Variants in AFF4 observed in about 807,000 individuals in gnomAD.
The protein encoded by AFF4 is AF4/FMR2 family member 4.
A neutral mutation model predicts 124.8 loss-of-function variants in AFF4; 13 were observed. The observed-to-expected ratio is 0.10, with a 90% CI of 0.07 to 0.17. The LOEUF (loss-of-function observed/expected upper bound fraction) is 0.17, where lower values mean the gene tolerates loss of function less well. Ranked by LOEUF, AFF4 falls within the 10% of genes least tolerant of loss-of-function variation. The probability of loss-of-function intolerance (pLI) is 1.00; values close to 1 mark genes in which losing one functional copy is unlikely to be tolerated. For synonymous variants in AFF4, 477 were observed against 496.1 expected (o/e 0.96, Z 0.51); for missense variants, 1,092 against 1,403.8 (o/e 0.78, Z 3.55).
Position 132,896,736 on chromosome 5 carries a change from A to T in AFF4, c.1894T>A (p.Ser632Thr). ...GATTTCTGGGAAGATTTACTTGTTG[A>T]CTTATATTTCTTTTTCTCTGCTGTA... The part of the protein sequence containing the change: ...RPTAEKKKYK[S>T]TSKSSQKSRE... Residue 632 changes from serine to threonine, a missense_variant, in exon 11 of 21, where the codon TCA becomes ACA. By Grantham distance (58) the Ser-to-Thr change is moderately conservative (BLOSUM62 1). Transcript: ENST00000265343. 2 of 1,613,946 alleles carry T rather than the reference A, an allele frequency of 1.2e-6. No individual in the cohort carries two copies. The highest frequency in any genetic ancestry group is 1.7e-6 in the Non-Finnish European group (2 of 1,179,966).
Position 132,877,838 on chromosome 5 carries a change from G to A in AFF4, c.*3221C>T, listed in dbSNP as rs778139584. ...GATTAAACCTTTAATGAAAAGAAAC[G>A]AACAACAATTTTTTAAAAACTAGTG... On this transcript the variant is annotated 3_prime_UTR_variant, in exon 21 of 21. Transcript: ENST00000265343. The A allele has an allele frequency of 3.7e-5, 8 of 217,776 alleles. No homozygotes were observed. Among genetic ancestry groups the A allele is most frequent in the Middle Eastern group, 1.4e-3 (1 of 726 alleles). 13.5% of individuals were successfully genotyped at this position (217,776 alleles called of 1,614,324 possible).
At chr5:132,925,423 C>CT (rs1761148731) in intron 5 of AFF4, among the ~76,000 whole-genome samples, 1 of 151,624 alleles carries the variant, frequency 6.6e-6, no homozygotes, top group South Asian at 2.1e-4. Flanking sequence ...AAAGCAAAAA[C>CT]TATAAAGGAA....
At chr5:132,889,957 C>T (rs542797442) in intron 13 of AFF4, among the ~76,000 whole-genome samples, 2 of 152,220 alleles carry the variant, frequency 1.3e-5, no homozygotes, top group East Asian at 3.9e-4. Flanking sequence ...TGCCTCCTAT[C>T]AATATAGCCC....
rs1408759008 is a variant in AFF4 at position 132,877,813 on chromosome 5, G to A, written c.*3246C>T. 1 of 215,104 alleles carries A rather than the reference G, an allele frequency of 4.6e-6. No homozygotes were observed. Among genetic ancestry groups the A allele is most frequent in the African/African-American group, 2.3e-5 (1 of 44,316 alleles). The allele number at this position is 215,104 out of a possible 1,614,324, so 13.3% of individuals were successfully genotyped here. A position where few individuals can be genotyped will look rare whatever the true frequency, so the allele number is the denominator to read the frequency against. ...CAAAATTATGCTGTCTGATCTGTCT[G>A]ATTAAACCTTTAATGAAAAGAAACG... On this transcript the variant is annotated 3_prime_UTR_variant, in exon 21 of 21. Coordinates refer to ENST00000265343, the MANE Select transcript of AFF4 (RefSeq NM_014423.4).
chr5:132,920,924 G>A (rs1020630096), intron 5 of AFF4, among the ~76,000 whole-genome samples: 4 of 151,906 alleles, frequency 2.6e-5, no homozygotes, highest in South Asian at 2.1e-4. Context: ...TCAGGAGATC[G>A]AGACCATCCT....
At position 132,927,103 on chromosome 5, in the gene AFF4, T is replaced by C. The variant is rs768073367; in HGVS notation, c.1050+18A>G. 4 of 1,600,632 alleles carry C rather than the reference T, an allele frequency of 2.5e-6. No homozygotes were observed. Among genetic ancestry groups the C allele is most frequent in the Admixed American group, 1.7e-5 (1 of 59,006 alleles). ...TAGAGTTTTCTTACATTATGAAAGA[T>C]ACATTTTATTTACTTACCTTAGTTG... On this transcript the variant is annotated intron_variant, in intron 5 of 20. Transcript: ENST00000265343.
intron 5 of AFF4, among the ~76,000 whole-genome samples, chr5:132,907,463 A>G (rs1032421864): frequency 6.6e-6 from 1 of 152,222 alleles, no homozygotes; most frequent in Non-Finnish European, 1.5e-5. Context: ...GGAGCTTAAC[A>G]CCTATTTGAA....
chr5:132,891,545 G>GT, intron 13 of AFF4, among the ~76,000 whole-genome samples: 1 of 152,266 alleles, frequency 6.6e-6, no homozygotes, highest in African/African-American at 2.4e-5. Context: ...CCCCTGCATT[G>GT]TGAGTATCCT....
chr5:132,939,321 A>T (rs182386970), intron 1 of AFF4, among the ~76,000 whole-genome samples: 22 of 152,298 alleles, frequency 1.4e-4, no homozygotes, highest in African/African-American at 5.3e-4. Context: ...TTTTCTAATA[A>T]GCTTAAACAG....
chr5:132,935,466 A>C lies in AFF4; in HGVS notation c.124-525T>G, dbSNP rs1352727557. On this transcript the variant is annotated intron_variant, in intron 2 of 20. Coordinates refer to ENST00000265343, the MANE Select transcript of AFF4 (RefSeq NM_014423.4). The stretch of plus-strand genomic sequence containing the variant: ...CATGGTGAAAACCCATTTCTAGCAA[A>C]AATACAAACGTTAGCCGGGTGTGGC... 3.3e-5 allele frequency among the ~76,000 whole-genome samples: 5 copies of C among 152,090 alleles called. No individual in the cohort carries two copies. In the East Asian group the frequency reaches 9.6e-4, roughly 29 times the overall value.
Position 132,877,746 on chromosome 5 carries a change from C to T in AFF4, c.*3313G>A, listed in dbSNP as rs1444209019. ...GTAGGCTCTTGCTTCAGAATGCAAGCTCATTCATGAAGAAATGTACCAACG... is the reference window on the plus strand; with the variant it reads ...GTAGGCTCTTGCTTCAGAATGCAAGTTCATTCATGAAGAAATGTACCAACG... On this transcript the variant is annotated 3_prime_UTR_variant, in exon 21 of 21. Coordinates refer to ENST00000265343, the MANE Select transcript of AFF4 (RefSeq NM_014423.4). 9.4e-6 allele frequency: 2 copies of T among 212,336 alleles called. No individual in the cohort carries two copies. The highest frequency in any genetic ancestry group is 5.9e-5 in the Admixed American group (1 of 17,030). The allele number at this position is 212,336 out of a possible 1,614,324, so 13.2% of individuals were successfully genotyped here. A position where few individuals can be genotyped will look rare whatever the true frequency, so the allele number is the denominator to read the frequency against.
chr5:132,934,392 G>A lies in AFF4; in HGVS notation c.673C>T (p.Arg225Cys), dbSNP rs141402018. The A allele has an allele frequency of 6.7e-5, 108 of 1,614,020 alleles. No homozygotes were observed. The highest frequency in any genetic ancestry group is 8.0e-5 in the Non-Finnish European group (94 of 1,180,050). ...DPDANWDSPS[R>C]VPFSSGQHST... is the part of the protein sequence containing the mutation. ...TGCTGCCCACTTGAAAAAGGTACAC[G>A]GGAAGGAGAATCCCAGTTTGCATCA... The change falls in exon 3 of 21, where the codon CGT becomes TGT. Residue 225 changes from arginine to cysteine, a missense_variant. Arg to Cys is a radical substitution (Grantham distance 180). Transcript: ENST00000265343.
At chr5:132,911,674 TA>T (rs964658931) in intron 5 of AFF4, among the ~76,000 whole-genome samples, 108 of 141,778 alleles carry the variant, frequency 7.6e-4, no homozygotes, top group African/African-American at 2.4e-3. Context: ...GAGAAGAGGG[TA>T]AAAAAAAAAA....
At chr5:132,896,082 T>C (rs1388391124) in intron 11 of AFF4, among the ~76,000 whole-genome samples, 1 of 152,250 alleles carries the variant, frequency 6.6e-6, no homozygotes, top group Non-Finnish European at 1.5e-5. Context: ...CAGCACATGC[T>C]GAAAAGCACT....
At chr5:132,899,516 A>G (rs751547396) in intron 8 of AFF4, 71 bp downstream of exon 8, 20 of 1,326,266 alleles carry the variant, frequency 1.5e-5, no homozygotes, top group Non-Finnish European at 2.0e-5. Flanking sequence ...TGCATTATTC[A>G]ATTATCATTT....
At chr5:132,925,624 G>A (rs1761153170) in intron 5 of AFF4, among the ~76,000 whole-genome samples, 1 of 152,106 alleles carries the variant, frequency 6.6e-6, no homozygotes, top group South Asian at 2.1e-4. Context: ...AAAGGACAGT[G>A]AGAATAAGCA....
rs1482360708 is a variant in AFF4 at position 132,922,795 on chromosome 5, A to C, written c.1050+4326T>G. ...CTCCATCTCAAAAAAAAAAAAAAAA[A>C]ACCAAAAACTAGAAGCAACCCAAAT... is the stretch of plus-strand genomic sequence containing the variant. On this transcript the variant is annotated intron_variant, in intron 5 of 20. Coordinates refer to ENST00000265343, the MANE Select transcript of AFF4 (RefSeq NM_014423.4). Among the ~76,000 whole-genome samples, 26 of 151,860 alleles carry C rather than the reference A, an allele frequency of 1.7e-4. 1 individual carries two copies. The East Asian group carries it at 3.7e-3, about 22-fold the overall frequency.
chr5:132,898,507 G>A (rs1013621737), intron 9 of AFF4, 115 bp from the exon 10 acceptor site: 60 of 1,103,510 alleles, frequency 5.4e-5, no homozygotes, highest in African/African-American at 2.3e-4. Context: ...TTTTTTAGAC[G>A]GAGTCTTGCT....
Position 132,878,687 on chromosome 5 carries a change from A to G in AFF4, c.*2372T>C, listed in dbSNP as rs534131340. The G allele has an allele frequency of 9.2e-5, 21 of 227,160 alleles. No homozygotes were observed. The highest frequency in any genetic ancestry group is 4.7e-4 in the African/African-American group (21 of 45,126). 14.1% of individuals were successfully genotyped at this position (227,160 alleles called of 1,614,324 possible). ...AAATCCTCCACAATGAAAAGGTTGA[A>G]AAATTCATTCTCCAAAAATTGACAC... On this transcript the variant is annotated 3_prime_UTR_variant, in exon 21 of 21. Coordinates refer to ENST00000265343, the MANE Select transcript of AFF4 (RefSeq NM_014423.4).
Sources: gnomAD v4.1 joint callset for allele counts (sites outside exome capture counted in the v4.1 genomes callset) on GRCh38, gnomAD v4.1.1 for gene constraint, MANE v1.5 for transcripts, NCBI Gene and HGNC (gene_info 2026-07-23, HGNC 2026-07-21) for gene names.